Variants in SRF observed in about 807,000 individuals in gnomAD.
SRF encodes the protein serum response factor, also known as c-fos serum response element-binding transcription factor.
Under a neutral mutation model 37.1 loss-of-function variants are expected in SRF, and 7 were observed. That is an observed-to-expected ratio of 0.19 (90% confidence interval 0.11 to 0.35). The LOEUF is 0.35. SRF is among the 10% of genes least tolerant of loss of function. SRF has a pLI of 1.00. For missense variants in SRF, 395 were observed against 694.4 expected (o/e 0.57, Z 4.85); for synonymous variants, 285 against 310.1 (o/e 0.92, Z 0.85).
chr6:43,178,548 C>CACACAT lies in SRF; in HGVS notation c.1354+69_1354+74dup. On this transcript the variant is annotated intron_variant, in intron 5 of 6. Transcript: ENST00000265354. The surrounding 1 kb of genome is among the most constrained non-coding windows in gnomAD (Gnocchi z 4.3). ...TTCCTTCTTTATACACACACACACA[C>CACACAT]ACACATACACACACATATGCACTGA... 1 of 1,500,306 alleles carries CACACAT rather than the reference C, an allele frequency of 6.7e-7. No individual in the cohort carries two copies. Among genetic ancestry groups the CACACAT allele is most frequent in the Non-Finnish European group, 9.2e-7 (1 of 1,092,820 alleles). 92.9% of individuals were successfully genotyped at this position (1,500,306 alleles called of 1,614,324 possible). A position where few individuals can be genotyped will look rare whatever the true frequency, so the allele number is the denominator to read the frequency against.
intron 2 of SRF, among the ~76,000 whole-genome samples, chr6:43,175,193 A>C (rs1192260698): frequency 6.6e-6 from 1 of 152,110 alleles, no homozygotes; most frequent in Non-Finnish European, 1.5e-5. Flanking sequence ...TTGAAAGAAA[A>C]CGTAGTAGCC....
At position 43,177,312 on chromosome 6, in the gene SRF, C is replaced by T. The variant is rs1370201772; in HGVS notation, c.1162+645C>T. On this transcript the variant is annotated intron_variant, in intron 4 of 6. Coordinates refer to ENST00000265354, the MANE Select transcript of SRF (RefSeq NM_003131.4). Reference sequence around the variant, plus strand: ...TGGCACCATCTCGGCTCACTGCAAGCTCTGCCTCCCGGGTTCACGCTATTC... The same window carrying T: ...TGGCACCATCTCGGCTCACTGCAAGTTCTGCCTCCCGGGTTCACGCTATTC... Among the ~76,000 whole-genome samples, 8 of 148,906 alleles carry T rather than the reference C, an allele frequency of 5.4e-5. No homozygotes were observed. In the South Asian group the frequency reaches 8.5e-4, roughly 16 times the overall value.
In SRF at chr6:43,172,523, C is replaced by T. The variant is rs1320011241; in HGVS notation, c.513+354C>T. ...AATGAGAACCCGGGATCAGTAGGTC[C>T]AGTGCACTCCGGTGTTCGGACGAGG... On this transcript the variant is annotated intron_variant, in intron 1 of 6. Coordinates refer to ENST00000265354, the MANE Select transcript of SRF (RefSeq NM_003131.4). The surrounding 1 kb of genome is among the most constrained non-coding windows in gnomAD (Gnocchi z 5.7). The T allele has an allele frequency of 2.1e-6, 2 of 940,988 alleles. No individual in the cohort carries two copies. The highest frequency in any genetic ancestry group is 1.2e-4 in the East Asian group (1 of 8,572). 58.3% of individuals were successfully genotyped at this position (940,988 alleles called of 1,614,324 possible). A position where few individuals can be genotyped will look rare whatever the true frequency, so the allele number is the denominator to read the frequency against.
At position 43,178,157 on chromosome 6, in the gene SRF, G is replaced by T. The variant is rs1009201879; in HGVS notation, c.1163-137G>T. 3.9e-6 allele frequency: 3 copies of T among 773,812 alleles called. No individual in the cohort carries two copies. In the African/African-American group the frequency reaches 5.2e-5, roughly 14 times the overall value. The allele number at this position is 773,812 out of a possible 1,614,324, so 47.9% of individuals were successfully genotyped here. ...AAATAGGCTTTTCTTAGTTGATGAT[G>T]GAGCTGAGGAATAGTCGTGTCTAGC... On this transcript the variant is annotated intron_variant, in intron 4 of 6. Transcript: ENST00000265354. The surrounding 1 kb of genome is among the most constrained non-coding windows in gnomAD (Gnocchi z 4.3).
At chr6:43,175,134 A>C (rs1772173181) in intron 2 of SRF, among the ~76,000 whole-genome samples, 1 of 152,188 alleles carries the variant, frequency 6.6e-6, no homozygotes, top group Admixed American at 6.5e-5. Context: ...TCCCTGAGAA[A>C]CTCAGTTCCT....
In SRF at chr6:43,176,671, T is replaced by C; in HGVS notation, c.1162+4T>C. 6.2e-7 allele frequency: 1 copy of C among 1,613,640 alleles called. No homozygotes were observed. Among genetic ancestry groups the C allele is most frequent in the Non-Finnish European group, 8.5e-7 (1 of 1,179,702 alleles). On this transcript the variant is annotated splice_donor_region_variant and intron_variant, in intron 4 of 6. Coordinates refer to ENST00000265354, the MANE Select transcript of SRF (RefSeq NM_003131.4). The surrounding 1 kb of genome is among the most constrained non-coding windows in gnomAD (Gnocchi z 4.0). Reference sequence around the variant, plus strand: ...CAGACCTCCTCCAGCGGGACAGGTATAGCTCGCAGCCCTGTCACCCTCCCT... The same window carrying C: ...CAGACCTCCTCCAGCGGGACAGGTACAGCTCGCAGCCCTGTCACCCTCCCT...
In SRF at chr6:43,178,155, A is replaced by T. The variant is rs1039688315; in HGVS notation, c.1163-139A>T. The T allele has an allele frequency of 2.2e-5, 17 of 762,674 alleles. No homozygotes were observed. The Admixed American group carries it at 3.2e-4, about 14-fold the overall frequency. The allele number at this position is 762,674 out of a possible 1,614,324, so 47.2% of individuals were successfully genotyped here. A position where few individuals can be genotyped will look rare whatever the true frequency, so the allele number is the denominator to read the frequency against. ...AAAAATAGGCTTTTCTTAGTTGATG[A>T]TGGAGCTGAGGAATAGTCGTGTCTA... On this transcript the variant is annotated intron_variant, in intron 4 of 6. Coordinates refer to ENST00000265354, the MANE Select transcript of SRF (RefSeq NM_003131.4). The surrounding 1 kb of genome is among the most constrained non-coding windows in gnomAD (Gnocchi z 4.3).
chr6:43,174,751 G>A (rs769885314), intron 2 of SRF, among the ~76,000 whole-genome samples: 7 of 152,214 alleles, frequency 4.6e-5, no homozygotes, highest in Non-Finnish European at 8.8e-5. Flanking sequence ...GGCACTGTTT[G>A]CCTTAGCAAC....
In SRF at chr6:43,173,335, A is replaced by G. The variant is rs1772142606; in HGVS notation, c.514-512A>G. Among the ~76,000 whole-genome samples the G allele has an allele frequency of 6.6e-6, 1 of 152,244 alleles. No homozygotes were observed. The highest frequency in any genetic ancestry group is 2.4e-5 in the African/African-American group (1 of 41,464). On this transcript the variant is annotated intron_variant, in intron 1 of 6. Transcript: ENST00000265354. This position sits in a 1 kb window ranked among gnomAD's most constrained non-coding sequence, Gnocchi z 4.2. Reference sequence around the variant, plus strand: ...CCCAAGACAAAGGAGTAAGGGCAGTAAAGTATTACAGGGCAAAAGGAGAAA... The same window carrying G: ...CCCAAGACAAAGGAGTAAGGGCAGTGAAGTATTACAGGGCAAAAGGAGAAA...
rs1481505127 is a variant in SRF at position 43,178,217 on chromosome 6, G to A, written c.1163-77G>A. The A allele has an allele frequency of 2.1e-6, 3 of 1,433,688 alleles. No homozygotes were observed. Among genetic ancestry groups the A allele is most frequent in the Non-Finnish European group, 2.8e-6 (3 of 1,072,180 alleles). The allele number at this position is 1,433,688 out of a possible 1,614,324, so 88.8% of individuals were successfully genotyped here. On this transcript the variant is annotated intron_variant, in intron 4 of 6. Coordinates refer to ENST00000265354, the MANE Select transcript of SRF (RefSeq NM_003131.4). The surrounding 1 kb of genome is among the most constrained non-coding windows in gnomAD (Gnocchi z 4.3). ...GGGAAATGGCAAGAGGGCTCTGGGG[G>A]CCTGGAATTCCTAGGGACGGAATGG...
At position 43,172,510 on chromosome 6, in the gene SRF, G is replaced by A. The variant is rs564138960; in HGVS notation, c.513+341G>A. On this transcript the variant is annotated intron_variant, in intron 1 of 6. Transcript: ENST00000265354. This position sits in a 1 kb window ranked among gnomAD's most constrained non-coding sequence, Gnocchi z 5.7. ...CGGGGAGGTGGATAATGAGAACCCG[G>A]GATCAGTAGGTCCAGTGCACTCCGG... is the stretch of plus-strand genomic sequence containing the variant. 11 of 969,064 alleles carry A rather than the reference G, an allele frequency of 1.1e-5. No individual in the cohort carries two copies. The South Asian group carries it at 4.8e-4, about 42-fold the overall frequency. 60.0% of individuals were successfully genotyped at this position (969,064 alleles called of 1,614,324 possible).
Position 43,171,874 on chromosome 6 carries a change from G to C in SRF, c.218G>C (p.Gly73Ala). The C allele has an allele frequency of 7.4e-7, 1 of 1,343,018 alleles. No homozygotes were observed. The highest frequency in any genetic ancestry group is 9.5e-7 in the Non-Finnish European group (1 of 1,049,686). 83.2% of individuals were successfully genotyped at this position (1,343,018 alleles called of 1,614,324 possible). ...AAATTPAPTA[G>A]ALYSGSEGDS... is the part of the protein sequence containing the mutation. Reference sequence around the variant, plus strand: ...GCAACCACCCCGGCGCCCACCGCGGGGGCCCTCTACAGCGGCAGCGAGGGC... The same window carrying C: ...GCAACCACCCCGGCGCCCACCGCGGCGGCCCTCTACAGCGGCAGCGAGGGC... Residue 73 changes from glycine (G) to alanine (A), a missense_variant, in exon 1 of 7, where the codon GGG becomes GCG. By Grantham distance (60) the Gly-to-Ala change is moderately conservative (BLOSUM62 0). Coordinates refer to ENST00000265354, the MANE Select transcript of SRF (RefSeq NM_003131.4). The surrounding 1 kb of genome is among the most constrained non-coding windows in gnomAD (Gnocchi z 6.5).
In SRF at chr6:43,171,677, G is replaced by T; in HGVS notation, c.21G>T (p.Gly7=). Reference sequence around the variant, plus strand: ...GCGCCATGTTACCGACCCAAGCTGGGGCCGCGGCGGCTCTGGGCCGGGGCT... The same window carrying T: ...GCGCCATGTTACCGACCCAAGCTGGTGCCGCGGCGGCTCTGGGCCGGGGCT... The part of the protein sequence containing the change: MLPTQA[G]AAAALGRGSA... The change falls in exon 1 of 7, where the codon GGG becomes GGT. Residue 7 remains glycine, a synonymous_variant. Coordinates refer to ENST00000265354, the MANE Select transcript of SRF (RefSeq NM_003131.4). This position sits in a 1 kb window ranked among gnomAD's most constrained non-coding sequence, Gnocchi z 6.5. The T allele has an allele frequency of 8.2e-7, 1 of 1,213,988 alleles. No homozygotes were observed. Among genetic ancestry groups the T allele is most frequent in the East Asian group, 3.3e-5 (1 of 29,968 alleles). The allele number at this position is 1,213,988 out of a possible 1,614,324, so 75.2% of individuals were successfully genotyped here. A position where few individuals can be genotyped will look rare whatever the true frequency, so the allele number is the denominator to read the frequency against.
rs947363106 is a variant in SRF, at chr6:43,171,805, G to C, written c.149G>C (p.Gly50Ala). ...GGCCGGGTCCCCGGGAATGGCGCGG[G>C]GCTCGGGCCCGGCCGCCTGGAGCGG... ...NGGRVPGNGAGLGPGRLEREA... is the reference protein window; with the variant it reads ...NGGRVPGNGAALGPGRLEREA... Residue 50 changes from glycine (G) to alanine (A), a missense_variant, in exon 1 of 7, where the codon GGG (glycine) becomes GCG (alanine). By Grantham distance (60) the Gly-to-Ala change is moderately conservative. This residue lies in a region of SRF where 134 missense variants were observed against 204.5 expected (regional missense o/e 0.66). Coordinates refer to ENST00000265354, the MANE Select transcript of SRF (RefSeq NM_003131.4). The surrounding 1 kb of genome is among the most constrained non-coding windows in gnomAD (Gnocchi z 6.5). 8.2e-7 allele frequency: 1 copy of C among 1,223,744 alleles called. No homozygotes were observed. The highest frequency in any genetic ancestry group is 3.3e-5 in the East Asian group (1 of 30,708). 75.8% of individuals were successfully genotyped at this position (1,223,744 alleles called of 1,614,324 possible). A position where few individuals can be genotyped will look rare whatever the true frequency, so the allele number is the denominator to read the frequency against.
In SRF at chr6:43,172,968, G is replaced by T. The variant is rs1304558677; in HGVS notation, c.513+799G>T. 6.6e-6 allele frequency among the ~76,000 whole-genome samples: 1 copy of T among 152,154 alleles called. No individual in the cohort carries two copies. The highest frequency in any genetic ancestry group is 1.5e-5 in the Non-Finnish European group (1 of 68,032). On this transcript the variant is annotated intron_variant, in intron 1 of 6. Transcript: ENST00000265354. This position sits in a 1 kb window ranked among gnomAD's most constrained non-coding sequence, Gnocchi z 5.7. ...GTGTTGAGGAAAGGAGTCATTTTGGGGTGTAGACGATAAGGGAAGAGATGA... is the reference window on the plus strand; with the variant it reads ...GTGTTGAGGAAAGGAGTCATTTTGGTGTGTAGACGATAAGGGAAGAGATGA...
chr6:43,174,252 A>ATCCTCACTTTCCT, intron 2 of SRF, 139 bp downstream of exon 2: 1 of 1,161,510 alleles, frequency 8.6e-7, no homozygotes, highest in South Asian at 1.6e-5. Context: ...ACAGGTGTCC[A>ATCCTCACTTTCCT]TCCTCACTTT....
Position 43,179,418 on chromosome 6 carries a change from G to A in SRF, c.*228G>A. On this transcript the variant is annotated 3_prime_UTR_variant, in exon 7 of 7. Transcript: ENST00000265354. The surrounding 1 kb of genome is among the most constrained non-coding windows in gnomAD (Gnocchi z 5.3). ...TCTTCCCGCCCCACCTCCCATTTCTGTTGCTGGAGGGGCTGTCCTCCTTCC... is the reference window on the plus strand; with the variant it reads ...TCTTCCCGCCCCACCTCCCATTTCTATTGCTGGAGGGGCTGTCCTCCTTCC... 1.7e-6 allele frequency: 1 copy of A among 574,758 alleles called. No individual in the cohort carries two copies. Among genetic ancestry groups the A allele is most frequent in the East Asian group, 3.0e-5 (1 of 33,756 alleles). The allele number at this position is 574,758 out of a possible 1,614,324, so 35.6% of individuals were successfully genotyped here.
chr6:43,176,660 C>G lies in SRF; in HGVS notation c.1155C>G (p.Ser385Arg), dbSNP rs748750154. 2 of 1,613,868 alleles carry G rather than the reference C, an allele frequency of 1.2e-6. No homozygotes were observed. The highest frequency in any genetic ancestry group is 1.7e-6 in the Non-Finnish European group (2 of 1,179,928). ...SSTDLTQTSS[S>R]GTVTLPATIM... Reference sequence around the variant, plus strand: ...CAGACCTCACGCAGACCTCCTCCAGCGGGACAGGTATAGCTCGCAGCCCTG... The same window carrying G: ...CAGACCTCACGCAGACCTCCTCCAGGGGGACAGGTATAGCTCGCAGCCCTG... The change falls in exon 4 of 7, where the codon AGC (serine) becomes AGG (arginine). Residue 385 changes from serine (S) to arginine (R), a missense_variant. Ser to Arg is a moderately radical substitution (Grantham distance 110). This residue lies in a region of SRF where 232 missense variants were observed against 335.6 expected (regional missense o/e 0.69). Transcript: ENST00000265354. The surrounding 1 kb of genome is among the most constrained non-coding windows in gnomAD (Gnocchi z 4.0).
Position 43,176,632 on chromosome 6 carries a change from G to A in SRF, c.1127G>A (p.Ser376Asn), listed in dbSNP as rs1772202899. The A allele has an allele frequency of 6.2e-7, 1 of 1,614,024 alleles. No individual in the cohort carries two copies. The highest frequency in any genetic ancestry group is 1.3e-5 in the African/African-American group (1 of 74,914). ...CAAGCGTCTCCCTCCCGTGACAGCA[G>A]CACAGACCTCACGCAGACCTCCTCC... ...PQQASPSRDSSTDLTQTSSSG... is the reference protein window; with the variant it reads ...PQQASPSRDSNTDLTQTSSSG... Residue 376 changes from serine to asparagine, a missense_variant, in exon 4 of 7, where the codon AGC (serine) becomes AAC (asparagine). Coordinates refer to ENST00000265354, the MANE Select transcript of SRF (RefSeq NM_003131.4). The surrounding 1 kb of genome is among the most constrained non-coding windows in gnomAD (Gnocchi z 4.0).
Sources: gnomAD v4.1 joint callset for allele counts (sites outside exome capture counted in the v4.1 genomes callset) on GRCh38, gnomAD v4.1.1 for gene constraint, gnomAD v4.1.1 regional missense constraint, Gnocchi (gnomAD v3.1) non-coding constraint, MANE v1.5 for transcripts, NCBI Gene and HGNC (gene_info 2026-07-23, HGNC 2026-07-21) for gene names.